Variants in KIF5C observed in about 807,000 individuals in gnomAD.
KIF5C encodes the protein kinesin family member 5C.
Under a neutral mutation model 125.2 loss-of-function variants are expected in KIF5C, and 18 were observed. The observed-to-expected ratio is 0.14, with a 90% CI of 0.10 to 0.21. The LOEUF (loss-of-function observed/expected upper bound fraction) is 0.21, where lower values mean the gene tolerates loss of function less well. KIF5C is among the 10% of genes least tolerant of loss of function. The pLI is 1.00. For missense variants in KIF5C, 780 were observed against 1,183.8 expected (o/e 0.66, Z 5.01); for synonymous variants, 405 against 434.0 (o/e 0.93, Z 0.83).
intron 1 of KIF5C, among the ~76,000 whole-genome samples, chr2:148,884,789 G>A (rs1574688205): frequency 6.6e-6 from 1 of 152,278 alleles, no homozygotes; most frequent in Non-Finnish European, 1.5e-5. Flanking sequence ...GCTAGGTACT[G>A]TTCATTTCCA....
chr2:148,894,703 A>ATATATATATATATATATATAT (rs1558875720), intron 1 of KIF5C, among the ~76,000 whole-genome samples: 7 of 147,434 alleles, frequency 4.7e-5, no homozygotes, highest in African/African-American at 1.5e-4. Context: ...AGTTTAGTAC[A>ATATATATATATATATATATAT]ATATATATAT....
chr2:149,019,398 G>A (rs1031453677), intron 25 of KIF5C, among the ~76,000 whole-genome samples: 2 of 152,216 alleles, frequency 1.3e-5, no homozygotes, highest in Admixed American at 6.5e-5. Context: ...GACAGCTGAG[G>A]TGGGACTGCA....
intron 10 of KIF5C, among the ~76,000 whole-genome samples, chr2:148,951,921 C>A (rs1417772431): frequency 6.6e-6 from 1 of 152,106 alleles, no homozygotes. Flanking sequence ...ATTTCCTGAG[C>A]CCTCAACAGA....
intron 21 of KIF5C, among the ~76,000 whole-genome samples, chr2:149,003,947 A>G (rs1275661104): frequency 1.3e-5 from 2 of 152,196 alleles, no homozygotes; most frequent in East Asian, 3.8e-4. Flanking sequence ...GAGTGCATGC[A>G]GGGTGGGCGC....
chr2:148,893,470 T>C (rs977715151), intron 1 of KIF5C, among the ~76,000 whole-genome samples: 16 of 152,230 alleles, frequency 1.1e-4, no homozygotes, highest in African/African-American at 3.9e-4. Context: ...TAACTATCCA[T>C]TGTGTCCTAA....
intron 25 of KIF5C, among the ~76,000 whole-genome samples, chr2:149,015,019 T>C (rs527976185): frequency 2.0e-5 from 3 of 152,168 alleles, no homozygotes; most frequent in East Asian, 3.9e-4. Flanking sequence ...GAAACATCCT[T>C]CCCTACTAAA....
intron 1 of KIF5C, among the ~76,000 whole-genome samples, chr2:148,882,342 C>G (rs2105035910): frequency 6.6e-6 from 1 of 152,330 alleles, no homozygotes; most frequent in African/African-American, 2.4e-5. Context: ...AGTGGCTAGT[C>G]CACGGCAGGC....
chr2:148,976,244 G>A (rs1194088903), intron 12 of KIF5C, among the ~76,000 whole-genome samples: 7 of 95,212 alleles, frequency 7.4e-5, no homozygotes, highest in Admixed American at 6.4e-4. Context: ...ATATTATTTT[G>A]TTTTATTTAT....
chr2:148,911,546 A>G (rs1406494291), intron 1 of KIF5C, among the ~76,000 whole-genome samples: 1 of 152,192 alleles, frequency 6.6e-6, no homozygotes, highest in East Asian at 1.9e-4. Flanking sequence ...AGGGGTAAGG[A>G]AGTAGAGGCA....
intron 1 of KIF5C, among the ~76,000 whole-genome samples, chr2:148,909,453 A>G (rs960135254): frequency 6.6e-5 from 10 of 152,180 alleles, no homozygotes; most frequent in African/African-American, 2.2e-4. Context: ...ACTCCCTCAG[A>G]ATGAAAGCTT....
At chr2:148,948,156 G>C (rs1682566642) in intron 8 of KIF5C, among the ~76,000 whole-genome samples, 1 of 151,300 alleles carries the variant, frequency 6.6e-6, no homozygotes, top group African/African-American at 2.4e-5. Context: ...GACCATCCTG[G>C]CTAACATGGT....
chr2:148,991,467 A>G (rs1464640231), intron 16 of KIF5C, among the ~76,000 whole-genome samples: 1 of 152,142 alleles, frequency 6.6e-6, no homozygotes, highest in Non-Finnish European at 1.5e-5. Flanking sequence ...TAATGAATGT[A>G]AAAGATTGGG....
chr2:148,976,615 C>T (rs1681080604), intron 12 of KIF5C, among the ~76,000 whole-genome samples: 1 of 150,364 alleles, frequency 6.7e-6, no homozygotes, highest in Non-Finnish European at 1.5e-5. Flanking sequence ...TGTTCTGTTG[C>T]GCAGACTAGA....
chr2:148,944,866 C>T (rs1049484655), intron 7 of KIF5C, among the ~76,000 whole-genome samples: 1 of 152,062 alleles, frequency 6.6e-6, no homozygotes, highest in African/African-American at 2.4e-5. Flanking sequence ...AGTGCTGTTT[C>T]ATTGTGGTTT....
At chr2:148,950,819 A>G (rs1311393562) in intron 10 of KIF5C, among the ~76,000 whole-genome samples, 1 of 152,154 alleles carries the variant, frequency 6.6e-6, no homozygotes, top group Non-Finnish European at 1.5e-5. Flanking sequence ...AAAAAAAAAA[A>G]AAGAATAGTG....
intron 3 of KIF5C, among the ~76,000 whole-genome samples, chr2:148,930,658 T>A (rs997044266): frequency 5.3e-5 from 8 of 152,232 alleles, no homozygotes; most frequent in African/African-American, 1.9e-4. Flanking sequence ...CTGCTCATAC[T>A]GATTTCAAGT....
rs1558866666 is a variant in KIF5C, at chr2:148,875,587, TCCCCGTGC to T, written c.-26_-19del. The T allele has an allele frequency of 2.9e-6, 1 of 348,748 alleles. No individual in the cohort carries two copies. The highest frequency in any genetic ancestry group is 3.0e-5 in the African/African-American group (1 of 33,804). The allele number at this position is 348,748 out of a possible 1,614,324, so 21.6% of individuals were successfully genotyped here. On this transcript the variant is annotated 5_prime_UTR_variant, in exon 1 of 26. Coordinates refer to ENST00000435030, the MANE Select transcript of KIF5C (RefSeq NM_004522.3). ...GTTCCCGGCCCCGGCCCCCCACCCATCCCCGTGCCCCCTCCCTACCGCCGGCCGAGATG... is the reference window on the plus strand; with the variant it reads ...GTTCCCGGCCCCGGCCCCCCACCCATCCCCTCCCTACCGCCGGCCGAGATG...
At position 148,949,844 on chromosome 2, in the gene KIF5C, C is replaced by G; in HGVS notation, c.720C>G (p.Ser240Arg). Residue 240 changes from serine to arginine, a missense_variant, in exon 9 of 26, where the codon AGC becomes AGG. Physicochemically the swap from Ser to Arg is moderately radical, Grantham distance 110. Around this residue, in one of 2 missense-constraint regions of KIF5C, gnomAD observed 207 missense variants for 441.2 expected, o/e 0.47. Coordinates refer to ENST00000435030, the MANE Select transcript of KIF5C (RefSeq NM_004522.3). ...CTTTCTTTTCTCTCTGGTAGGTCAG[C>G]AAAACTGGTGCCGAGGGAGCTGTTC... ...LVDLAGSEKV[S>R]KTGAEGAVLD... 1 of 1,613,624 alleles carries G rather than the reference C, an allele frequency of 6.2e-7. No individual in the cohort carries two copies. Among genetic ancestry groups the G allele is most frequent in the Non-Finnish European group, 8.5e-7 (1 of 1,179,760 alleles).
intron 12 of KIF5C, among the ~76,000 whole-genome samples, chr2:148,977,411 G>A (rs985729251): frequency 4.6e-5 from 7 of 152,214 alleles, no homozygotes; most frequent in South Asian, 2.1e-4. Flanking sequence ...GTGGCTCTCC[G>A]ATGGTAAATT....
Sources: allele counts gnomAD v4.1 joint callset (sites outside exome capture counted in the v4.1 genomes callset), GRCh38; gene constraint gnomAD v4.1.1; regional missense constraint gnomAD v4.1.1; transcripts MANE v1.5; gene names NCBI Gene and HGNC (gene_info 2026-07-23, HGNC 2026-07-21).